Variants in BOK observed in about 807,000 individuals in gnomAD.
BOK encodes the protein bcl-2-related ovarian killer protein.
Under a neutral mutation model 18.3 loss-of-function variants are expected in BOK, and 20 were observed. The observed-to-expected ratio is 1.09, with a 90% CI of 0.77 to 1.59. The LOEUF (loss-of-function observed/expected upper bound fraction) is 1.59, where lower values mean the gene tolerates loss of function less well. Among genes scored for constraint, BOK ranks in the 40% most tolerant of loss-of-function variants. The pLI, the probability that BOK is intolerant of heterozygous loss-of-function variation, is 0.00. For synonymous variants in BOK, 173 were observed against 142.4 expected, an observed-to-expected ratio of 1.21 and a Z score of -1.53; for missense variants, 348 against 307.9, an observed-to-expected ratio of 1.13 and a Z score of -0.97.
intron 1 of BOK, among the ~76,000 whole-genome samples, chr2:241,552,367 C>T (rs189587550): frequency 3.9e-5 from 6 of 152,188 alleles, no homozygotes; most frequent in South Asian, 2.1e-4. Flanking sequence ...TCCTGCGAGC[C>T]GCTTGTGTTC....
At position 241,573,409 on chromosome 2, in the gene BOK, A is replaced by G. The variant is rs2066755117; in HGVS notation, c.*987A>G. On this transcript the variant is annotated 3_prime_UTR_variant, in exon 5 of 5. Transcript: ENST00000318407. ...CCAGGAAGAAGGGCCATCTCAGGAC[A>G]TGAGTCCTCAGGGGCCCTGCACATT... 6.6e-6 allele frequency: 1 copy of G among 152,406 alleles called. No individual in the cohort carries two copies. Among genetic ancestry groups the G allele is most frequent in the South Asian group, 2.1e-4 (1 of 4,836 alleles). The allele number at this position is 152,406 out of a possible 1,614,324, so 9.4% of individuals were successfully genotyped here. A position where few individuals can be genotyped will look rare whatever the true frequency, so the allele number is the denominator to read the frequency against.
chr2:241,559,602 A>ACG lies in BOK; in HGVS notation c.124_125dup (p.Leu43GlyfsTer38). The ACG allele has an allele frequency of 6.7e-7, 1 of 1,489,192 alleles. No homozygotes were observed. The highest frequency in any genetic ancestry group is 8.9e-7 in the Non-Finnish European group (1 of 1,127,286). The allele number at this position is 1,489,192 out of a possible 1,614,324, so 92.2% of individuals were successfully genotyped here. A position where few individuals can be genotyped will look rare whatever the true frequency, so the allele number is the denominator to read the frequency against. The stretch of plus-strand genomic sequence containing the variant: ...AAGGCGCTGGGCCGGGAGTACGTGC[A>ACG]CGCGCGGCTGCTGCGCGCCGGCCTC... On this transcript the variant is annotated frameshift_variant, in exon 2 of 5. Coordinates refer to ENST00000318407, the MANE Select transcript of BOK (RefSeq NM_032515.5). LOFTEE classifies it high-confidence loss of function.
chr2:241,572,356 G>A lies in BOK; in HGVS notation c.573G>A (p.Val191=), dbSNP rs202131864. The A allele has an allele frequency of 3.1e-6, 5 of 1,609,200 alleles. No homozygotes were observed. The East Asian group carries it at 8.9e-5, about 29-fold the overall frequency. Residue 191 remains valine (V), a synonymous_variant, in exon 5 of 5, where the codon GTG becomes GTA. Coordinates refer to ENST00000318407, the MANE Select transcript of BOK (RefSeq NM_032515.5). ...TDPGLRSHWL[V]AALCSFGRFL... is the part of the protein sequence containing the mutation. ...CTGGCCTCCGCTCCCACTGGCTGGTGGCTGCACTCTGCAGCTTCGGCCGCT... is the reference window on the plus strand; with the variant it reads ...CTGGCCTCCGCTCCCACTGGCTGGTAGCTGCACTCTGCAGCTTCGGCCGCT...
upstream of BOK, among the ~76,000 whole-genome samples, chr2:241,555,633 T>C (rs2066445715): frequency 6.6e-6 from 1 of 152,210 alleles, no homozygotes; most frequent in South Asian, 2.1e-4. Flanking sequence ...TGCCTCAGCC[T>C]CCCAAAGTGC....
chr2:241,557,414 A>G (rs1393288143), upstream of BOK, among the ~76,000 whole-genome samples: 2 of 150,698 alleles, frequency 1.3e-5, no homozygotes, highest in African/African-American at 2.4e-5. Flanking sequence ...GGTTCAAGCA[A>G]TTCTCCTGCC....
intron 1 of BOK, 106 bp from the exon 2 acceptor site, chr2:241,559,349 C>G: frequency 1.7e-6 from 1 of 598,582 alleles, no homozygotes; most frequent in East Asian, 3.8e-5. Context: ...AGAGCGGACC[C>G]GGCGCCGGCT....
intron 3 of BOK, among the ~76,000 whole-genome samples, chr2:241,564,511 C>T (rs901178760): frequency 5.0e-4 from 69 of 136,744 alleles, no homozygotes; most frequent in African/African-American, 1.8e-3. Flanking sequence ...AGACCTGAGT[C>T]GGCTGGGGGT....
intron 1 of BOK, among the ~76,000 whole-genome samples, chr2:241,552,235 C>T (rs1374444798): frequency 1.3e-5 from 2 of 152,146 alleles, no homozygotes; most frequent in Non-Finnish European, 2.9e-5. Flanking sequence ...AGGAACTGGC[C>T]AATGAGAATG....
At chr2:241,552,788 G>C (rs948470989) in intron 1 of BOK, among the ~76,000 whole-genome samples, 2 of 152,220 alleles carry the variant, frequency 1.3e-5, no homozygotes, top group Non-Finnish European at 2.9e-5. Flanking sequence ...CAGCCCATCA[G>C]GGATCACCAC....
chr2:241,556,355 C>T (rs2066450062), upstream of BOK, among the ~76,000 whole-genome samples: 1 of 152,188 alleles, frequency 6.6e-6, no homozygotes, highest in East Asian at 1.9e-4. Context: ...GATGCCAAGG[C>T]AGGTAGATCA....
chr2:241,570,004 C>G, intron 3 of BOK, 121 bp from the exon 4 acceptor site: 2 of 1,274,382 alleles, frequency 1.6e-6, no homozygotes, highest in Non-Finnish European at 2.1e-6. Context: ...CCCCTTGGGA[C>G]GGTCCCTGGT....
rs748812814 is a variant in BOK, at chr2:241,562,384, G to T, written c.257G>T (p.Arg86Leu). The T allele has an allele frequency of 1.2e-6, 2 of 1,611,364 alleles. No homozygotes were observed. The highest frequency in any genetic ancestry group is 1.7e-6 in the Non-Finnish European group (2 of 1,179,610). ...GAGATGATCCGGCCCAGCGTCTACC[G>T]CAACGTGGCGCGTCAGCTGCACATC... is the stretch of plus-strand genomic sequence containing the variant. ...ELEMIRPSVY[R>L]NVARQLHISL... Residue 86 changes from arginine to leucine, a missense_variant, in exon 3 of 5, where the codon CGC becomes CTC. Physicochemically the swap from Arg to Leu is moderately radical, Grantham distance 102. Coordinates refer to ENST00000318407, the MANE Select transcript of BOK (RefSeq NM_032515.5). This position sits in a 1 kb window ranked among gnomAD's most constrained non-coding sequence, Gnocchi z 4.5.
chr2:241,572,508 C>T lies in BOK; in HGVS notation c.*86C>T, dbSNP rs2066740449. On this transcript the variant is annotated 3_prime_UTR_variant, in exon 5 of 5. Transcript: ENST00000318407. ...CACCCGAACACATCTTCCTCCTCCC[C>T]ACCCGAGCCTGGAGCACTCTAACCC... 5 of 1,509,026 alleles carry T rather than the reference C, an allele frequency of 3.3e-6. No homozygotes were observed. Among genetic ancestry groups the T allele is most frequent in the South Asian group, 1.2e-5 (1 of 80,050 alleles). The allele number at this position is 1,509,026 out of a possible 1,614,324, so 93.5% of individuals were successfully genotyped here.
In BOK at chr2:241,562,361, G is replaced by T; in HGVS notation, c.234G>T (p.Glu78Asp). The change falls in exon 3 of 5, where the codon GAG becomes GAT. Residue 78 changes from glutamate to aspartate, a missense_variant. Coordinates refer to ENST00000318407, the MANE Select transcript of BOK (RefSeq NM_032515.5). This position sits in a 1 kb window ranked among gnomAD's most constrained non-coding sequence, Gnocchi z 4.5. The stretch of plus-strand genomic sequence containing the variant: ...GTGACCACACAGGCGATGAGCTGGA[G>T]ATGATCCGGCCCAGCGTCTACCGCA... ...AVLLRLGDEL[E>D]MIRPSVYRNV... The T allele has an allele frequency of 2.5e-6, 4 of 1,607,008 alleles. No homozygotes were observed. Among genetic ancestry groups the T allele is most frequent in the Non-Finnish European group, 3.4e-6 (4 of 1,177,426 alleles).
At position 241,562,583 on chromosome 2, in the gene BOK, C is replaced by G. The variant is rs1047788881; in HGVS notation, c.349+107C>G. 67 of 1,377,054 alleles carry G rather than the reference C, an allele frequency of 4.9e-5. No individual in the cohort carries two copies. In the African/African-American group the frequency reaches 8.8e-4, roughly 18 times the overall value. 85.3% of individuals were successfully genotyped at this position (1,377,054 alleles called of 1,614,324 possible). On this transcript the variant is annotated intron_variant, in intron 3 of 4. Coordinates refer to ENST00000318407, the MANE Select transcript of BOK (RefSeq NM_032515.5). The surrounding 1 kb of genome is among the most constrained non-coding windows in gnomAD (Gnocchi z 4.5). ...TGGCCCCCACCCATCCTGGCGCTGC[C>G]CAGTGCCCACCGGTGCCATCTCACT...
At chr2:241,565,950 G>A (rs2066604550) in intron 3 of BOK, among the ~76,000 whole-genome samples, 1 of 152,078 alleles carries the variant, frequency 6.6e-6, no homozygotes, top group South Asian at 2.1e-4. Flanking sequence ...AAATACATAT[G>A]TAATTTTATA....
Position 241,572,343 on chromosome 2 carries a change from C to G in BOK, c.560C>G (p.Ser187Cys). 1 of 1,610,654 alleles carries G rather than the reference C, an allele frequency of 6.2e-7. No individual in the cohort carries two copies. The highest frequency in any genetic ancestry group is 8.5e-7 in the Non-Finnish European group (1 of 1,179,814). The change falls in exon 5 of 5, where the codon TCC becomes TGC. Residue 187 changes from serine (S) to cysteine (C), a missense_variant. By Grantham distance (112) the Ser-to-Cys change is moderately radical (BLOSUM62 -1). Coordinates refer to ENST00000318407, the MANE Select transcript of BOK (RefSeq NM_032515.5). ...GTCAGCACAGACCCTGGCCTCCGCTCCCACTGGCTGGTGGCTGCACTCTGC... is the reference window on the plus strand; with the variant it reads ...GTCAGCACAGACCCTGGCCTCCGCTGCCACTGGCTGGTGGCTGCACTCTGC... ...CVVSTDPGLR[S>C]HWLVAALCSF...
chr2:241,553,254 A>C (rs149386566), intron 1 of BOK, among the ~76,000 whole-genome samples: 4 of 152,144 alleles, frequency 2.6e-5, no homozygotes, highest in Non-Finnish European at 5.9e-5. Context: ...GGGTTCAAGC[A>C]ATTCTCCTGC....
intron 3 of BOK, 22 bp from the exon 4 acceptor site, chr2:241,570,103 T>A: frequency 6.2e-7 from 1 of 1,606,582 alleles, no homozygotes; most frequent in Middle Eastern, 1.7e-4. Flanking sequence ...AGTCCTGATC[T>A]TGACCATCTC....
Sources: gnomAD v4.1 joint callset for allele counts (sites outside exome capture counted in the v4.1 genomes callset) on GRCh38, gnomAD v4.1.1 for gene constraint, Gnocchi (gnomAD v3.1) non-coding constraint, MANE v1.5 for transcripts, NCBI Gene and HGNC (gene_info 2026-07-23, HGNC 2026-07-21) for gene names.